Variants in BPIFA1 observed in about 807,000 individuals in gnomAD.
BPIFA1 encodes the protein BPI fold containing family A member 1.
BPIFA1 carries 24 observed loss-of-function variants against 25.1 expected under a neutral mutation model. The observed-to-expected ratio is 0.96, with a 90% CI of 0.69 to 1.35. The LOEUF (loss-of-function observed/expected upper bound fraction) is 1.35, where lower values mean the gene tolerates loss of function less well. Among genes scored for constraint, BPIFA1 ranks in the 40% most tolerant of loss-of-function variants. The probability of loss-of-function intolerance (pLI) is 0.00; values close to 1 mark genes in which losing one functional copy is unlikely to be tolerated. For synonymous variants in BPIFA1, 139 were observed against 131.8 expected, an observed-to-expected ratio of 1.05 and a Z score of -0.37; for missense variants, 344 against 303.7, an observed-to-expected ratio of 1.13 and a Z score of -0.99.
At position 33,242,533 on chromosome 20, in the gene BPIFA1, C is replaced by T; in HGVS notation, c.*6C>T. 2 of 1,613,980 alleles carry T rather than the reference C, an allele frequency of 1.2e-6. No homozygotes were observed. The highest frequency in any genetic ancestry group is 1.7e-6 in the Non-Finnish European group (2 of 1,179,862). On this transcript the variant is annotated 3_prime_UTR_variant, in exon 8 of 9. Coordinates refer to ENST00000354297, the MANE Select transcript of BPIFA1 (RefSeq NM_130852.3). ...AGTTTGTCATCAAGGTCTAAGCCTT[C>T]CAGGAAGGGGCTGGCCTCTGCTGAG...
chr20:33,238,007 C>A lies in BPIFA1; in HGVS notation c.161-48C>A, dbSNP rs748512574. On this transcript the variant is annotated intron_variant, in intron 2 of 8. Transcript: ENST00000354297. ...TGGATGGGGGAGGGGGCCTGAGGAT[C>A]TGGAATTGTCAGATCTGACCCCCAG... is the stretch of plus-strand genomic sequence containing the variant. The A allele has an allele frequency of 7.0e-6, 11 of 1,577,050 alleles. No homozygotes were observed. The South Asian group carries it at 1.2e-4, about 17-fold the overall frequency.
At chr20:33,241,322 C>T in intron 5 of BPIFA1, 63 bp from the exon 6 acceptor site, 2 of 1,473,492 alleles carry the variant, frequency 1.4e-6, no homozygotes. Context: ...ACAGTGGCCC[C>T]CTCTGGAGAC....
At chr20:33,236,227 A>G (rs1043193397) in intron 1 of BPIFA1, among the ~76,000 whole-genome samples, 177 bp downstream of exon 1, 3 of 152,222 alleles carry the variant, frequency 2.0e-5, no homozygotes, top group Admixed American at 6.5e-5. Context: ...CTAAGAGACC[A>G]GTAACATTGA....
intron 3 of BPIFA1, among the ~76,000 whole-genome samples, chr20:33,239,516 A>C (rs1161325053): frequency 6.6e-6 from 1 of 152,226 alleles, no homozygotes; most frequent in South Asian, 2.1e-4. Context: ...GCTGGCATAC[A>C]GGATGCAGAT....
intron 7 of BPIFA1, 138 bp downstream of exon 7, chr20:33,242,257 G>A (rs367821492): frequency 6.3e-5 from 64 of 1,008,966 alleles, no homozygotes; most frequent in African/African-American, 3.7e-4. Flanking sequence ...ATTTTCCCCC[G>A]AATAATCCAG....
At chr20:33,237,150 G>A (rs980970545) in intron 1 of BPIFA1, among the ~76,000 whole-genome samples, 1 of 152,180 alleles carries the variant, frequency 6.6e-6, no homozygotes, top group African/African-American at 2.4e-5. Context: ...ATTTAACCGA[G>A]GGTTCACCTG....
chr20:33,236,720 G>A (rs1016900968), intron 1 of BPIFA1, among the ~76,000 whole-genome samples: 1 of 152,202 alleles, frequency 6.6e-6, no homozygotes, highest in African/African-American at 2.4e-5. Context: ...AGAAGAGAAA[G>A]GTGTCAAAAT....
chr20:33,238,351 T>A, intron 3 of BPIFA1, 137 bp downstream of exon 3: 1 of 1,037,720 alleles, frequency 9.6e-7, no homozygotes, highest in Non-Finnish European at 1.4e-6. Flanking sequence ...AGGACTCAGT[T>A]CTGAGACCCA....
intron 7 of BPIFA1, 81 bp from the exon 8 acceptor site, chr20:33,242,406 C>G (rs1372557070): frequency 2.0e-6 from 3 of 1,534,370 alleles, no homozygotes; most frequent in Non-Finnish European, 2.7e-6. Flanking sequence ...TTCCCTGGCC[C>G]CCCACCTTGA....
intron 3 of BPIFA1, 124 bp from the exon 4 acceptor site, chr20:33,239,679 C>T (rs1978859979): frequency 3.2e-6 from 3 of 925,840 alleles, no homozygotes; most frequent in African/African-American, 3.3e-5. Flanking sequence ...AGACTCCCCT[C>T]CCATCTCCCT....
rs1979070993 is a variant in BPIFA1 at position 33,243,232 on chromosome 20, T to C, written c.*160T>C. 1 of 152,406 alleles carries C rather than the reference T, an allele frequency of 6.6e-6. No homozygotes were observed. Among genetic ancestry groups the C allele is most frequent in the Admixed American group, 6.5e-5 (1 of 15,280 alleles). The allele number at this position is 152,406 out of a possible 1,614,324, so 9.4% of individuals were successfully genotyped here. On this transcript the variant is annotated 3_prime_UTR_variant, in exon 9 of 9. Coordinates refer to ENST00000354297, the MANE Select transcript of BPIFA1 (RefSeq NM_130852.3). Reference sequence around the variant, plus strand: ...ACAGTTGCCTTCTCTCCGAGGAACCTGCCCCCTCTCCTTTCCCACCAGGCG... The same window carrying C: ...ACAGTTGCCTTCTCTCCGAGGAACCCGCCCCCTCTCCTTTCCCACCAGGCG...
rs1410793270 is a variant in BPIFA1, at chr20:33,241,423, TCA to T, written c.623_624del (p.Thr208ArgfsTer5). 1 of 1,614,146 alleles carries T rather than the reference TCA, an allele frequency of 6.2e-7. No individual in the cohort carries two copies. Among genetic ancestry groups the T allele is most frequent in the Non-Finnish European group, 8.5e-7 (1 of 1,180,002 alleles). ...CCCATTCAAGGTCTTCTGGACAGCC[TCA>T]CAGGGATCTTGAATAAAGTCCTGCC... is the stretch of plus-strand genomic sequence containing the variant. On this transcript the variant is annotated frameshift_variant, in exon 6 of 9. Transcript: ENST00000354297. LOFTEE classifies it high-confidence loss of function.
intron 1 of BPIFA1, among the ~76,000 whole-genome samples, chr20:33,236,514 G>A (rs1384963414): frequency 6.6e-6 from 1 of 152,132 alleles, no homozygotes; most frequent in East Asian, 1.9e-4. Context: ...TTCATTTCCA[G>A]CCTTCCACCA....
At position 33,242,127 on chromosome 20, in the gene BPIFA1, C is replaced by T; in HGVS notation, c.730+8C>T. 6.2e-7 allele frequency: 1 copy of T among 1,613,768 alleles called. No individual in the cohort carries two copies. The highest frequency in any genetic ancestry group is 8.5e-7 in the Non-Finnish European group (1 of 1,179,644). On this transcript the variant is annotated splice_region_variant and intron_variant, in intron 7 of 8. Coordinates refer to ENST00000354297, the MANE Select transcript of BPIFA1 (RefSeq NM_130852.3). Reference sequence around the variant, plus strand: ...TGGTGCATGACATTGTTAGTAAGTACCTGCTTTCAAGCCCTCTGTCCCTCT... The same window carrying T: ...TGGTGCATGACATTGTTAGTAAGTATCTGCTTTCAAGCCCTCTGTCCCTCT...
intron 1 of BPIFA1, 138 bp from the exon 2 acceptor site, chr20:33,237,559 T>G: frequency 1.8e-6 from 1 of 565,736 alleles, no homozygotes. Context: ...GAGAAATTGT[T>G]CAGCAGTATT....
intron 7 of BPIFA1, 78 bp from the exon 8 acceptor site, chr20:33,242,409 C>T (rs983005111): frequency 7.1e-6 from 11 of 1,544,144 alleles, no homozygotes; most frequent in Non-Finnish European, 8.0e-6. Context: ...CCTGGCCCCC[C>T]ACCTTGAGGA....
chr20:33,242,843 G>A (rs1480182803), intron 8 of BPIFA1, among the ~76,000 whole-genome samples: 1 of 151,976 alleles, frequency 6.6e-6, no homozygotes, highest in Admixed American at 6.6e-5. Context: ...TCACACACAT[G>A]CACACATTGG....
Position 33,240,383 on chromosome 20 carries a change from T to C in BPIFA1, c.579T>C (p.Asp193=), listed in dbSNP as rs1375717968. Residue 193 remains aspartate, a splice_region_variant and synonymous_variant, in exon 5 of 9, where the codon GAT becomes GAC. Coordinates refer to ENST00000354297, the MANE Select transcript of BPIFA1 (RefSeq NM_130852.3). ...GAAGCCTGCAAATTTCTCTGCTTGA[T>C]GGGTGAGGCCAGAGGAGCAGCTTAT... ...SPGSLQISLL[D]GLGPLPIQGL... is the part of the protein sequence containing the mutation. 9 of 1,613,968 alleles carry C rather than the reference T, an allele frequency of 5.6e-6. No individual in the cohort carries two copies.
intron 4 of BPIFA1, 34 bp from the exon 5 acceptor site, chr20:33,240,199 G>A (rs906201582): frequency 4.4e-6 from 7 of 1,608,638 alleles, no homozygotes; most frequent in Non-Finnish European, 5.9e-6. Flanking sequence ...GAATGTGGTG[G>A]AGCTAGATAC....
Sources: allele counts gnomAD v4.1 joint callset (sites outside exome capture counted in the v4.1 genomes callset), GRCh38; gene constraint gnomAD v4.1.1; transcripts MANE v1.5; gene names NCBI Gene and HGNC (gene_info 2026-07-23, HGNC 2026-07-21).